CACNA1C: variants seen among roughly 807,000 people sequenced by gnomAD.
The protein encoded by CACNA1C is calcium voltage-gated channel subunit alpha1 C.
CACNA1C carries 30 observed loss-of-function variants against 229.0 expected under a neutral mutation model. That is an observed-to-expected ratio of 0.13 (90% CI 0.10 to 0.18). The LOEUF (loss-of-function observed/expected upper bound fraction) is 0.18. Ranked by LOEUF, CACNA1C falls within the 10% of genes least tolerant of loss-of-function variation. The probability of loss-of-function intolerance (pLI) is 1.00; values close to 1 mark genes in which losing one functional copy is unlikely to be tolerated. For synonymous variants in CACNA1C, 1,114 were observed against 1,132.5 expected, an observed-to-expected ratio of 0.98 and a Z score of 0.33; for missense variants, 1,658 against 2,845.0, an observed-to-expected ratio of 0.58 and a Z score of 9.49.
chr12:2,001,219 AT>A (rs1413197035), intron 1 of CACNA1C, among the ~76,000 whole-genome samples: 4 of 150,376 alleles, frequency 2.7e-5, no homozygotes, highest in Admixed American at 6.6e-5. Flanking sequence ...GGGCAACCAG[AT>A]TTTTTTTTTC....
At chr12:2,552,544 G>C (rs535323920) in intron 10 of CACNA1C, among the ~76,000 whole-genome samples, 45 of 152,330 alleles carry the variant, frequency 3.0e-4, no homozygotes, top group African/African-American at 1.1e-3. Flanking sequence ...ATTCAGAACA[G>C]AGCTGAGTGG....
At position 2,608,991 on chromosome 12, in the gene CACNA1C, G is replaced by A. The variant is rs373835970; in HGVS notation, c.3558+279G>A. ...TATGATAGGTTTTGTCAAATCTCAT[G>A]CCCTATATAGAAGTTAACAAGTTAG... On this transcript the variant is annotated intron_variant, in intron 27 of 46. Transcript: ENST00000399655. This position sits in a 1 kb window ranked among gnomAD's most constrained non-coding sequence, Gnocchi z 4.2. Among the ~76,000 whole-genome samples the A allele has an allele frequency of 2.0e-5, 3 of 152,228 alleles. No individual in the cohort carries two copies. The highest frequency in any genetic ancestry group is 4.8e-5 in the African/African-American group (2 of 41,452).
chr12:2,413,879 C>T (rs926836336), intron 3 of CACNA1C, among the ~76,000 whole-genome samples: 1 of 152,218 alleles, frequency 6.6e-6, no homozygotes, highest in African/African-American at 2.4e-5. Flanking sequence ...CTTCCCCAGG[C>T]ACTTCTTTGT....
In CACNA1C at chr12:2,585,550, C is replaced by A; in HGVS notation, c.2460+54C>A. ...TGAGGCCGGTGCTGGGGAGGGAGGG[C>A]CACAGCCTTCCCAGGCCAGAACCCT... On this transcript the variant is annotated intron_variant, in intron 17 of 46. Transcript: ENST00000399655. The surrounding 1 kb of genome is among the most constrained non-coding windows in gnomAD (Gnocchi z 4.1). 1 of 1,495,720 alleles carries A rather than the reference C, an allele frequency of 6.7e-7. No individual in the cohort carries two copies. The allele number at this position is 1,495,720 out of a possible 1,614,324, so 92.7% of individuals were successfully genotyped here.
At position 2,247,459 on chromosome 12, in the gene CACNA1C, A is replaced by G. The variant is rs575309924; in HGVS notation, c.477+127029A>G. Among the ~76,000 whole-genome samples, 9 of 152,320 alleles carry G rather than the reference A, an allele frequency of 5.9e-5. No homozygotes were observed. The South Asian group carries it at 1.4e-3, about 25-fold the overall frequency. On this transcript the variant is annotated intron_variant, in intron 3 of 46. Coordinates refer to ENST00000399655, the MANE Select transcript of CACNA1C (RefSeq NM_000719.7). ...GTGGGGAAATTCCTCACAGCTTTCT[A>G]GGCTGGGAGAAATCGACCATGCCAT...
intron 13 of CACNA1C, among the ~76,000 whole-genome samples, chr12:2,572,634 C>G (rs1434725967): frequency 4.6e-5 from 6 of 131,704 alleles, no homozygotes; most frequent in Admixed American, 7.7e-5. Context: ...CTCCTCTCCT[C>G]CTCCTTCTCC....
Position 2,319,718 on chromosome 12 carries a change from T to C in CACNA1C, c.478-129258T>C, listed in dbSNP as rs60961642. 0.04 allele frequency among the ~76,000 whole-genome samples: 6,150 copies of C among 152,206 alleles called. 293 individuals are homozygous for C. The highest frequency in any genetic ancestry group is 0.11 in the African/African-American group (4,622 of 41,512). On this transcript the variant is annotated intron_variant, in intron 3 of 46. Coordinates refer to ENST00000399655, the MANE Select transcript of CACNA1C (RefSeq NM_000719.7). This position sits in a 1 kb window ranked among gnomAD's most constrained non-coding sequence, Gnocchi z 4.0. ...GATCTGGGGTGTCTGCAAATGTTGG[T>C]GCTCACGGGGGTGTGCTGGGCCGGG...
chr12:2,434,733 C>T (rs753739320), intron 3 of CACNA1C, among the ~76,000 whole-genome samples: 4 of 152,168 alleles, frequency 2.6e-5, no homozygotes, highest in Non-Finnish European at 4.4e-5. Flanking sequence ...TTCTTCCAGC[C>T]GTTCTGAATG....
chr12:2,132,259 A>G (rs905600396), intron 3 of CACNA1C, among the ~76,000 whole-genome samples: 2 of 135,024 alleles, frequency 1.5e-5, no homozygotes, highest in South Asian at 2.5e-4. Flanking sequence ...AACAGGGACA[A>G]TTTGACTTCC....
chr12:2,584,413 T>G (rs1228397982), intron 15 of CACNA1C, 90 bp from the exon 16 acceptor site: 4 of 847,044 alleles, frequency 4.7e-6, no homozygotes, highest in African/African-American at 3.3e-5. Context: ...GCTGAGGAGC[T>G]CTACCCTGCA....
At chr12:2,379,286 G>A (rs183356785) in intron 3 of CACNA1C, among the ~76,000 whole-genome samples, 6 of 152,298 alleles carry the variant, frequency 3.9e-5, no homozygotes, top group East Asian at 1.9e-4. Context: ...TCCATGTAAC[G>A]GTGATGATAG....
intron 1 of CACNA1C, among the ~76,000 whole-genome samples, chr12:2,015,909 GA>G (rs1469494942): frequency 6.6e-6 from 1 of 152,130 alleles, no homozygotes; most frequent in African/African-American, 2.4e-5. Flanking sequence ...GATTAAACAA[GA>G]AAATACAAAT....
At chr12:2,200,626 T>TG (rs2097554791) in intron 3 of CACNA1C, among the ~76,000 whole-genome samples, 1 of 152,222 alleles carries the variant, frequency 6.6e-6, no homozygotes, top group Non-Finnish European at 1.5e-5. Flanking sequence ...TATATTCTGT[T>TG]GCAGGAACCG....
At position 2,265,467 on chromosome 12, in the gene CACNA1C, G is replaced by A. The variant is rs958992400; in HGVS notation, c.477+145037G>A. 3.9e-5 allele frequency among the ~76,000 whole-genome samples: 6 copies of A among 152,062 alleles called. No individual in the cohort carries two copies. The East Asian group carries it at 7.7e-4, about 20-fold the overall frequency. On this transcript the variant is annotated intron_variant, in intron 3 of 46. Coordinates refer to ENST00000399655, the MANE Select transcript of CACNA1C (RefSeq NM_000719.7). ...CTCTACTTCCACCTTACTGCAGAGT[G>A]GGGGGCTGGAACGTTGGCAAGGATC...
intron 30 of CACNA1C, among the ~76,000 whole-genome samples, chr12:2,643,042 G>A (rs4495946): frequency 1.3e-5 from 2 of 152,258 alleles, no homozygotes; most frequent in Admixed American, 1.3e-4. Context: ...CACAAAGCAG[G>A]AAGAGCAAAA....
chr12:2,406,244 T>G (rs2154552305), intron 3 of CACNA1C, among the ~76,000 whole-genome samples: 1 of 152,350 alleles, frequency 6.6e-6, no homozygotes, highest in East Asian at 1.9e-4. Flanking sequence ...GTGGATTTCT[T>G]TGGGCTTATC....
In CACNA1C at chr12:2,275,364, G is replaced by T. The variant is rs755782385; in HGVS notation, c.477+154934G>T. Among the ~76,000 whole-genome samples, 2 of 152,138 alleles carry T rather than the reference G, an allele frequency of 1.3e-5. No homozygotes were observed. The highest frequency in any genetic ancestry group is 4.8e-5 in the African/African-American group (2 of 41,424). On this transcript the variant is annotated intron_variant, in intron 3 of 46. Coordinates refer to ENST00000399655, the MANE Select transcript of CACNA1C (RefSeq NM_000719.7). The surrounding 1 kb of genome is among the most constrained non-coding windows in gnomAD (Gnocchi z 4.1). ...GACTCCTCACCATCACCCAACAGGG[G>T]ACAGTCCTGCTGGCTGTGTCTTCCC...
Position 2,610,475 on chromosome 12 carries a change from T to C in CACNA1C, c.3559-66T>C, listed in dbSNP as rs913190725. On this transcript the variant is annotated intron_variant, in intron 27 of 46. Coordinates refer to ENST00000399655, the MANE Select transcript of CACNA1C (RefSeq NM_000719.7). ...GGTCTCATCACATCCCACACTTCTC[T>C]GCCAGCTCCCCCCACACCCTCCAGT... 11 of 1,524,468 alleles carry C rather than the reference T, an allele frequency of 7.2e-6. No homozygotes were observed. The African/African-American group carries it at 1.4e-4, about 19-fold the overall frequency. 94.4% of individuals were successfully genotyped at this position (1,524,468 alleles called of 1,614,324 possible).
intron 1 of CACNA1C, among the ~76,000 whole-genome samples, chr12:2,023,719 T>G (rs1474856331): frequency 6.6e-6 from 1 of 152,190 alleles, no homozygotes; most frequent in Admixed American, 6.5e-5. Context: ...TAAGTCCAGT[T>G]TGACAAAAAT....
Sources: allele counts gnomAD v4.1 joint callset (sites outside exome capture counted in the v4.1 genomes callset), GRCh38; gene constraint gnomAD v4.1.1; non-coding constraint Gnocchi (gnomAD v3.1); transcripts MANE v1.5; gene names NCBI Gene and HGNC (gene_info 2026-07-23, HGNC 2026-07-21).